Variants in ZBTB20 observed in about 807,000 individuals in gnomAD.
ZBTB20 encodes zinc finger and BTB domain containing 20, also known as zinc finger and BTB domain-containing protein 20.
Under a neutral mutation model 56.9 loss-of-function variants are expected in ZBTB20, and 9 were observed. The ratio of observed to expected loss-of-function variants is 0.16; its 90% CI spans 0.10 to 0.28. The LOEUF (loss-of-function observed/expected upper bound fraction) is 0.28, where lower values mean the gene tolerates loss of function less well. ZBTB20 is among the 10% of genes least tolerant of loss of function. The pLI is 1.00. For missense variants in ZBTB20, 655 were observed against 1,003.0 expected (o/e 0.65, Z 4.69); for synonymous variants, 417 against 420.7 (o/e 0.99, Z 0.11).
At chr3:115,131,743 T>C (rs1030677678) in intron 1 of ZBTB20, among the ~76,000 whole-genome samples, 8 of 152,210 alleles carry the variant, frequency 5.3e-5, no homozygotes, top group Non-Finnish European at 1.0e-4. Context: ...ATATATCACA[T>C]TTCCACCAGT....
chr3:114,952,890 T>C (rs987907148), intron 3 of ZBTB20, among the ~76,000 whole-genome samples: 3 of 151,926 alleles, frequency 2.0e-5, no homozygotes, highest in Non-Finnish European at 4.4e-5. Flanking sequence ...ACATTGCCAC[T>C]GATATAAACA....
At chr3:115,102,488 T>C (rs957091186) in intron 1 of ZBTB20, 3 of 152,158 alleles carry the variant, frequency 2.0e-5, no homozygotes, top group African/African-American at 7.2e-5. Context: ...ATTAGATATT[T>C]GTATTTTCTG....
chr3:114,981,381 A>C (rs1358804519), intron 2 of ZBTB20, among the ~76,000 whole-genome samples: 1 of 152,094 alleles, frequency 6.6e-6, no homozygotes, highest in African/African-American at 2.4e-5. Context: ...TAAAGGTTAA[A>C]TATGTTTCCT....
At chr3:114,620,732 TAAAACAC>T (rs2058267774) in intron 6 of ZBTB20, among the ~76,000 whole-genome samples, 1 of 152,212 alleles carries the variant, frequency 6.6e-6, no homozygotes, top group Admixed American at 6.5e-5. Flanking sequence ...TTAACAAACC[TAAAACAC>T]AAAACCTGCC....
At chr3:115,129,706 T>A (rs1223044173) in intron 1 of ZBTB20, among the ~76,000 whole-genome samples, 1 of 152,190 alleles carries the variant, frequency 6.6e-6, no homozygotes, top group Admixed American at 6.5e-5. Flanking sequence ...TATCATTACG[T>A]CAAGATGTGA....
Position 114,420,393 on chromosome 3 carries a change from C to T in ZBTB20, c.-254-31288G>A, listed in dbSNP as rs568564503. On this transcript the variant is annotated intron_variant, in intron 7 of 11. Coordinates refer to ENST00000675478, the MANE Select transcript of ZBTB20 (RefSeq NM_001348800.3). ...TTGCATTTTAAAGATGCTTCTTATC[C>T]CCATTGCGACTGGCAGTCTGGGTTG... Among the ~76,000 whole-genome samples, 4 of 152,144 alleles carry T rather than the reference C, an allele frequency of 2.6e-5. No homozygotes were observed. The South Asian group carries it at 8.3e-4, about 32-fold the overall frequency.
At chr3:114,877,220 C>A (rs1363734132) in intron 4 of ZBTB20, among the ~76,000 whole-genome samples, 1 of 152,162 alleles carries the variant, frequency 6.6e-6, no homozygotes, top group Non-Finnish European at 1.5e-5. Context: ...ACCAACCATT[C>A]ATTTATTAAA....
chr3:114,477,604 T>C (rs2040947965), intron 7 of ZBTB20, among the ~76,000 whole-genome samples: 2 of 148,988 alleles, frequency 1.3e-5, no homozygotes, highest in African/African-American at 2.5e-5. Context: ...CAAGCGATTC[T>C]CCTGCCTCAG....
intron 2 of ZBTB20, among the ~76,000 whole-genome samples, chr3:115,030,437 T>C (rs1389135116): frequency 6.6e-6 from 1 of 151,216 alleles, no homozygotes; most frequent in Non-Finnish European, 1.5e-5. Context: ...ATGATTAAAG[T>C]TCCTTAAGAG....
At chr3:114,986,246 G>A (rs992329100) in intron 2 of ZBTB20, among the ~76,000 whole-genome samples, 1 of 152,018 alleles carries the variant, frequency 6.6e-6, no homozygotes, top group Non-Finnish European at 1.5e-5. Context: ...CAATCCATTT[G>A]AGGGTGTTCT....
chr3:115,090,728 A>G (rs1469698467), intron 1 of ZBTB20, among the ~76,000 whole-genome samples: 1 of 151,936 alleles, frequency 6.6e-6, no homozygotes, highest in Non-Finnish European at 1.5e-5. Context: ...AACTTCATAT[A>G]TATTAACTTA....
At chr3:114,754,719 T>G (rs915795054) in intron 5 of ZBTB20, among the ~76,000 whole-genome samples, 5 of 152,196 alleles carry the variant, frequency 3.3e-5, no homozygotes, top group Non-Finnish European at 7.3e-5. Context: ...TAGTTCTTAA[T>G]AAATGATAGC....
At chr3:114,647,613 T>C (rs1456260230) in intron 6 of ZBTB20, among the ~76,000 whole-genome samples, 1 of 152,232 alleles carries the variant, frequency 6.6e-6, no homozygotes, top group Non-Finnish European at 1.5e-5. Context: ...ATTATTGGTG[T>C]GATCTTGAAT....
intron 4 of ZBTB20, among the ~76,000 whole-genome samples, chr3:114,868,343 A>G (rs1409037947): frequency 6.6e-6 from 1 of 152,088 alleles, no homozygotes; most frequent in Non-Finnish European, 1.5e-5. Flanking sequence ...TCCCCAAACA[A>G]AACCAACAGC....
At chr3:114,535,706 C>T (rs367548109) in intron 6 of ZBTB20, among the ~76,000 whole-genome samples, 1 of 152,138 alleles carries the variant, frequency 6.6e-6, no homozygotes, top group Admixed American at 6.5e-5. Flanking sequence ...GAATTTAAGG[C>T]CAATATCCCT....
intron 5 of ZBTB20, among the ~76,000 whole-genome samples, chr3:114,741,887 A>AG (rs1185414600): frequency 1.1e-3 from 165 of 151,982 alleles, no homozygotes; most frequent in African/African-American, 3.7e-3. Flanking sequence ...AAAAAAAAAA[A>AG]AAAGAAAAGA....
At chr3:114,523,258 C>A (rs1463098714) in intron 6 of ZBTB20, among the ~76,000 whole-genome samples, 1 of 152,190 alleles carries the variant, frequency 6.6e-6, no homozygotes, top group African/African-American at 2.4e-5. Context: ...GATTTAGCAA[C>A]ATGGAAGTCA....
intron 4 of ZBTB20, among the ~76,000 whole-genome samples, chr3:114,848,320 CAACA>C (rs1459967562): frequency 6.6e-6 from 1 of 152,080 alleles, no homozygotes; most frequent in Non-Finnish European, 1.5e-5. Flanking sequence ...AAGAGGCTGC[CAACA>C]AACAGGGCCT....
chr3:114,414,434 C>G (rs2088302943), intron 7 of ZBTB20, among the ~76,000 whole-genome samples: 1 of 152,054 alleles, frequency 6.6e-6, no homozygotes. Context: ...TTTACTTTCC[C>G]AGACTCTAAT....
Sources: allele counts gnomAD v4.1 joint callset (sites outside exome capture counted in the v4.1 genomes callset), GRCh38; gene constraint gnomAD v4.1.1; transcripts MANE v1.5; gene names NCBI Gene and HGNC (gene_info 2026-07-23, HGNC 2026-07-21).